Variants in FTO observed in about 807,000 individuals in gnomAD.
FTO encodes the protein FTO alpha-ketoglutarate dependent dioxygenase, also known as alpha-ketoglutarate-dependent dioxygenase FTO.
A neutral mutation model predicts 63.9 loss-of-function variants in FTO; 47 were observed. The observed-to-expected ratio is 0.74, with a 90% CI of 0.58 to 0.94. The LOEUF (loss-of-function observed/expected upper bound fraction) is 0.94, where lower values mean the gene tolerates loss of function less well. Among genes scored for constraint, FTO ranks in the 40% least tolerant of loss-of-function variants. The pLI, the probability that FTO is intolerant of heterozygous loss-of-function variation, is 0.00. For synonymous variants in FTO, 207 were observed against 224.4 expected, an observed-to-expected ratio of 0.92 and a Z score of 0.69; for missense variants, 562 against 618.1, an observed-to-expected ratio of 0.91 and a Z score of 0.96.
intron 8 of FTO, among the ~76,000 whole-genome samples, chr16:54,028,178 G>A (rs7185938): frequency 0.5 from 76,156 of 152,024 alleles, 19,255 homozygotes; most frequent in Admixed American, 0.52. Flanking sequence ...TGTCTAATCT[G>A]TCATTAGTTG....
At chr16:53,749,240 G>A (rs573272342) in intron 1 of FTO, among the ~76,000 whole-genome samples, 8 of 152,096 alleles carry the variant, frequency 5.3e-5, no homozygotes, top group Non-Finnish European at 7.4e-5. Flanking sequence ...TTAATATGTA[G>A]TGTAAGAGCA....
At chr16:53,791,328 T>C (rs1392424139) in intron 1 of FTO, among the ~76,000 whole-genome samples, 3 of 152,212 alleles carry the variant, frequency 2.0e-5, no homozygotes, top group Non-Finnish European at 1.5e-5. Context: ...TAACCTTAAG[T>C]AGGCAGGATA....
intron 8 of FTO, among the ~76,000 whole-genome samples, chr16:54,096,042 C>T (rs1458337748): frequency 6.6e-6 from 1 of 152,220 alleles, no homozygotes; most frequent in African/African-American, 2.4e-5. Flanking sequence ...GTAAGCGCCA[C>T]AAAACCTGGG....
intron 7 of FTO, among the ~76,000 whole-genome samples, chr16:53,897,332 A>G (rs2081301079): frequency 1.3e-5 from 2 of 152,064 alleles, no homozygotes; most frequent in Admixed American, 1.3e-4. Flanking sequence ...CGCTCAATAA[A>G]TCTCCTACTT....
At chr16:53,989,492 AT>A (rs753934002) in intron 8 of FTO, among the ~76,000 whole-genome samples, 21 of 152,248 alleles carry the variant, frequency 1.4e-4, no homozygotes, top group Admixed American at 3.3e-4. Context: ...GGCAACTCCG[AT>A]TTGGGAACAC....
At chr16:53,958,444 G>C (rs2082983748) in intron 8 of FTO, among the ~76,000 whole-genome samples, 1 of 152,148 alleles carries the variant, frequency 6.6e-6, no homozygotes, top group South Asian at 2.1e-4. Flanking sequence ...TTCTGCTTCA[G>C]GCTGCAGTCT....
chr16:53,954,136 T>C (rs1036340345), intron 8 of FTO, among the ~76,000 whole-genome samples: 1 of 152,210 alleles, frequency 6.6e-6, no homozygotes, highest in African/African-American at 2.4e-5. Flanking sequence ...GTTCTCAGTT[T>C]TCTCACCTAC....
chr16:53,929,584 T>G (rs1275346220), intron 7 of FTO, among the ~76,000 whole-genome samples: 3 of 152,264 alleles, frequency 2.0e-5, no homozygotes, highest in African/African-American at 7.2e-5. Context: ...GGTCATATGC[T>G]AAACGTATGT....
chr16:53,799,150 T>G (rs538070853), intron 1 of FTO, among the ~76,000 whole-genome samples: 1 of 152,322 alleles, frequency 6.6e-6, no homozygotes, highest in African/African-American at 2.4e-5. Flanking sequence ...ACTTTTTACA[T>G]TTATATGCAT....
At position 53,859,312 on chromosome 16, in the gene FTO, C is replaced by A. The variant is rs73607618; in HGVS notation, c.896-14474C>A. ...CTTCTTTACACATCCTATCTCATATCCAATTTTCCATTAGCAATTAAGAAG... is the reference window on the plus strand; with the variant it reads ...CTTCTTTACACATCCTATCTCATATACAATTTTCCATTAGCAATTAAGAAG... On this transcript the variant is annotated intron_variant, in intron 4 of 8. Transcript: ENST00000471389. Among the ~76,000 whole-genome samples, 755 of 152,086 alleles carry A rather than the reference C, an allele frequency of 5.0e-3. 12 individuals are homozygous for A. The highest frequency in any genetic ancestry group is 0.018 in the African/African-American group (727 of 41,478).
At chr16:53,778,665 T>G (rs1355278455) in intron 1 of FTO, among the ~76,000 whole-genome samples, 2 of 152,126 alleles carry the variant, frequency 1.3e-5, no homozygotes, top group Non-Finnish European at 2.9e-5. Flanking sequence ...GCCAATTTCC[T>G]TTTTTACCCT....
At chr16:53,964,930 A>G (rs1373741710) in intron 8 of FTO, among the ~76,000 whole-genome samples, 1 of 152,236 alleles carries the variant, frequency 6.6e-6, no homozygotes, top group East Asian at 1.9e-4. Context: ...CACAAATTAT[A>G]TTATAATGAA....
At chr16:53,884,713 C>T (rs748926377) in intron 6 of FTO, among the ~76,000 whole-genome samples, 2 of 152,214 alleles carry the variant, frequency 1.3e-5, no homozygotes, top group African/African-American at 2.4e-5. Context: ...ATTAGCTTTG[C>T]TCTCCAATGC....
intron 6 of FTO, among the ~76,000 whole-genome samples, chr16:53,882,774 C>T (rs1328935085): frequency 1.3e-5 from 2 of 152,194 alleles, no homozygotes; most frequent in Non-Finnish European, 2.9e-5. Context: ...ATAATGTCGT[C>T]TCCCATGGCA....
At chr16:53,840,255 A>ATTCT in intron 3 of FTO, among the ~76,000 whole-genome samples, 1 of 152,206 alleles carries the variant, frequency 6.6e-6, no homozygotes, top group South Asian at 2.1e-4. Flanking sequence ...CCCCCCTAGA[A>ATTCT]TGAAGCAGCC....
intron 7 of FTO, among the ~76,000 whole-genome samples, chr16:53,892,729 T>C (rs1354486620): frequency 2.0e-5 from 3 of 152,206 alleles, no homozygotes; most frequent in Non-Finnish European, 4.4e-5. Context: ...ACTTTTCCCC[T>C]TTTGCTTATG....
At chr16:53,872,713 A>T (rs1429492226) in intron 4 of FTO, among the ~76,000 whole-genome samples, 1 of 152,156 alleles carries the variant, frequency 6.6e-6, no homozygotes, top group East Asian at 1.9e-4. Flanking sequence ...ATGTTTAGAG[A>T]TGATATTGTA....
chr16:54,094,029 T>C (rs1237131651), intron 8 of FTO, among the ~76,000 whole-genome samples: 1 of 152,004 alleles, frequency 6.6e-6, no homozygotes, highest in Non-Finnish European at 1.5e-5. Flanking sequence ...CAAGCAAACA[T>C]TGGTGCTGGG....
At chr16:53,784,871 C>T (rs895994522) in intron 1 of FTO, among the ~76,000 whole-genome samples, 2 of 152,028 alleles carry the variant, frequency 1.3e-5, no homozygotes, top group Non-Finnish European at 2.9e-5. Context: ...AGTTCATTTA[C>T]CTCTGCCAAG....
Sources: allele counts gnomAD v4.1 joint callset (sites outside exome capture counted in the v4.1 genomes callset), GRCh38; gene constraint gnomAD v4.1.1; transcripts MANE v1.5; gene names NCBI Gene and HGNC (gene_info 2026-07-23, HGNC 2026-07-21).